The following SNX4 variants were observed in gnomAD, a reference collection of about 807,000 sequenced individuals.
The protein encoded by SNX4 is sorting nexin-4.
SNX4 carries 49 observed loss-of-function variants against 70.8 expected under a neutral mutation model. The ratio of observed to expected loss-of-function variants is 0.69; its 90% confidence interval spans 0.55 to 0.88. The LOEUF (loss-of-function observed/expected upper bound fraction) is 0.88. Ranked by LOEUF, SNX4 falls within the 40% of genes least tolerant of loss-of-function variation. The pLI, the probability that SNX4 is intolerant of heterozygous loss-of-function variation, is 0.00. For missense variants in SNX4, 528 were observed against 544.8 expected (o/e 0.97, Z 0.31); for synonymous variants, 206 against 183.8 (o/e 1.12, Z -0.98).
intron 1 of SNX4, among the ~76,000 whole-genome samples, chr3:125,506,541 C>G (rs971439769): frequency 6.8e-6 from 1 of 147,862 alleles, no homozygotes; most frequent in African/African-American, 2.5e-5. Flanking sequence ...CAGTCTTGCT[C>G]TATCGCCAGG....
chr3:125,460,881 C>A, intron 9 of SNX4, 21 bp from the exon 10 acceptor site: 6 of 1,070,122 alleles, frequency 5.6e-6, no homozygotes, highest in Non-Finnish European at 6.7e-6. Context: ...AAAAAAAACA[C>A]ACATTGCATA....
chr3:125,468,071 A>AGATGCAGCAATAAG (rs1934077449), intron 9 of SNX4, among the ~76,000 whole-genome samples: 1 of 152,116 alleles, frequency 6.6e-6, no homozygotes, highest in Non-Finnish European at 1.5e-5. Flanking sequence ...GTAAGAGAAT[A>AGATGCAGCAATAAG]GATGCAGCAA....
At chr3:125,485,440 G>A (rs1934500853) in intron 6 of SNX4, among the ~76,000 whole-genome samples, 1 of 152,058 alleles carries the variant, frequency 6.6e-6, no homozygotes, top group African/African-American at 2.4e-5. Flanking sequence ...TGGGATTACA[G>A]GCATGTGCCA....
chr3:125,506,165 TACC>T (rs1025864136), intron 1 of SNX4, among the ~76,000 whole-genome samples: 6 of 152,134 alleles, frequency 3.9e-5, no homozygotes, highest in African/African-American at 1.2e-4. Context: ...TGTCCAGAGT[TACC>T]ACATTATTAC....
chr3:125,469,973 CAACTGTATAGA>C (rs766249967), intron 8 of SNX4, among the ~76,000 whole-genome samples: 4 of 152,060 alleles, frequency 2.6e-5, no homozygotes, highest in African/African-American at 2.4e-5. Context: ...CAGAAAAAGA[CAACTGTATAGA>C]AACAGTAGGT....
Position 125,451,324 on chromosome 3 carries a change from T to G in SNX4, c.1286A>C (p.Gln429Pro). 1 of 1,613,126 alleles carries G rather than the reference T, an allele frequency of 6.2e-7. No homozygotes were observed. Among genetic ancestry groups the G allele is most frequent in the Non-Finnish European group, 8.5e-7 (1 of 1,179,190 alleles). The change falls in exon 13 of 14, where the codon CAG (glutamine) becomes CCG (proline). Residue 429 changes from glutamine (Q) to proline (P), a missense_variant. This residue lies in a region of SNX4 where 159 missense variants were observed against 172.6 expected (regional missense o/e 0.92). Transcript: ENST00000251775. Reference protein sequence around the residue: ...KEALISYAVMQISMCKKGIQV... With the variant: ...KEALISYAVMPISMCKKGIQV... ...CCCTACCTTTTTGCACATACTGATC[T>G]GCATGACTGCATAGCTTATGAGGGC...
intron 11 of SNX4, among the ~76,000 whole-genome samples, chr3:125,455,780 G>A (rs1289187687): frequency 3.3e-5 from 5 of 152,092 alleles, no homozygotes; most frequent in Non-Finnish European, 7.4e-5. Flanking sequence ...TTGGGTGGCC[G>A]AGGCGGGCGG....
rs768222636 is a variant in SNX4 at position 125,453,750 on chromosome 3, T to G, written c.1190+60A>C. On this transcript the variant is annotated intron_variant, in intron 12 of 13. Coordinates refer to ENST00000251775, the MANE Select transcript of SNX4 (RefSeq NM_003794.4). ...TTACCAAAATAAATAAATAAATAAATAAAATAATCTACCATATAGTCTACA... is the reference window on the plus strand; with the variant it reads ...TTACCAAAATAAATAAATAAATAAAGAAAATAATCTACCATATAGTCTACA... The G allele has an allele frequency of 1.1e-5, 16 of 1,430,306 alleles. No individual in the cohort carries two copies. The Admixed American group carries it at 2.1e-4, about 18-fold the overall frequency. 88.6% of individuals were successfully genotyped at this position (1,430,306 alleles called of 1,614,324 possible).
chr3:125,498,292 G>T, intron 2 of SNX4, 98 bp from the exon 3 acceptor site: 1 of 1,117,498 alleles, frequency 8.9e-7, no homozygotes, highest in South Asian at 1.6e-5. Context: ...GAATGATTAT[G>T]AACCAGGCAC....
At chr3:125,519,942 C>CGGCCGAGCCCACT (rs772940964) in intron 1 of SNX4, 90 bp downstream of exon 1, 1 of 901,806 alleles carries the variant, frequency 1.1e-6, no homozygotes, top group East Asian at 4.2e-5. Context: ...CCCACTGGCC[C>CGGCCGAGCCCACT]GGCCCGGCCC....
intron 6 of SNX4, among the ~76,000 whole-genome samples, chr3:125,488,704 G>A (rs1386375715): frequency 6.6e-6 from 1 of 152,104 alleles, no homozygotes; most frequent in Non-Finnish European, 1.5e-5. Context: ...AGTGCTGAAG[G>A]ATTCACTAGA....
intron 6 of SNX4, among the ~76,000 whole-genome samples, chr3:125,486,124 C>A (rs1172446091): frequency 6.6e-6 from 1 of 152,218 alleles, no homozygotes; most frequent in Non-Finnish European, 1.5e-5. Flanking sequence ...CAGGCGTAAG[C>A]CACCGCACCT....
At chr3:125,515,533 T>C (rs1342104299) in intron 1 of SNX4, among the ~76,000 whole-genome samples, 3 of 149,504 alleles carry the variant, frequency 2.0e-5, no homozygotes, top group Non-Finnish European at 4.5e-5. Flanking sequence ...GGTATTGTGG[T>C]GTATGCCTGT....
At chr3:125,480,125 T>C (rs1410443433) in intron 7 of SNX4, 122 bp downstream of exon 7, 4 of 518,050 alleles carry the variant, frequency 7.7e-6, no homozygotes, top group Admixed American at 6.8e-5. Context: ...GATGAACATA[T>C]AAATTCAAAT....
At position 125,497,929 on chromosome 3, in the gene SNX4, C is replaced by T; in HGVS notation, c.454G>A (p.Glu152Lys). 3 of 1,614,186 alleles carry T rather than the reference C, an allele frequency of 1.9e-6. No homozygotes were observed. Among genetic ancestry groups the T allele is most frequent in the Non-Finnish European group, 2.5e-6 (3 of 1,180,032 alleles). ...SADNMDPDFV[E>K]RRRIGLENFL... ...TTTTCTAAACCAATCCGTCGCCTCT[C>T]CACAAAATCTGGATCCATGTTGTCA... Residue 152 changes from glutamate (E) to lysine (K), a missense_variant, in exon 4 of 14, where the codon GAG becomes AAG. Transcript: ENST00000251775.
intron 1 of SNX4, among the ~76,000 whole-genome samples, chr3:125,516,209 T>C (rs1410507691): frequency 6.6e-6 from 1 of 152,188 alleles, no homozygotes; most frequent in African/African-American, 2.4e-5. Flanking sequence ...GGTTTTTCTC[T>C]GGCAAATACC....
At chr3:125,511,792 T>C (rs1324841271) in intron 1 of SNX4, among the ~76,000 whole-genome samples, 3 of 152,022 alleles carry the variant, frequency 2.0e-5, no homozygotes, top group African/African-American at 7.2e-5. Context: ...GAGATAAAAG[T>C]AGAAACTCAG....
intron 1 of SNX4, among the ~76,000 whole-genome samples, chr3:125,514,362 A>C (rs1274611510): frequency 1.3e-5 from 2 of 151,590 alleles, no homozygotes; most frequent in African/African-American, 4.9e-5. Flanking sequence ...TGGTCCATGA[A>C]ATTAATTTGG....
At chr3:125,457,537 T>G (rs1040050030) in intron 10 of SNX4, among the ~76,000 whole-genome samples, 172 bp from the exon 11 acceptor site, 2 of 151,834 alleles carry the variant, frequency 1.3e-5, no homozygotes, top group Admixed American at 1.3e-4. Context: ...TCTAATGGAA[T>G]CTAGCAGAAC....
Sources: allele counts gnomAD v4.1 joint callset (sites outside exome capture counted in the v4.1 genomes callset), GRCh38; gene constraint gnomAD v4.1.1; regional missense constraint gnomAD v4.1.1; transcripts MANE v1.5; gene names NCBI Gene and HGNC (gene_info 2026-07-23, HGNC 2026-07-21).